The following NEXN variants were observed in gnomAD, a reference collection of about 807,000 sequenced individuals.
NEXN encodes the protein nexilin F-actin binding protein, also known as nexilin.
NEXN carries 65 observed loss-of-function variants against 92.6 expected under a neutral mutation model. The observed-to-expected ratio is 0.70, with a 90% CI of 0.57 to 0.86. The LOEUF is 0.86. Among genes scored for constraint, NEXN ranks in the 40% least tolerant of loss-of-function variants. The pLI is 0.00. For missense variants in NEXN, 778 were observed against 771.1 expected (o/e 1.01, Z -0.11); for synonymous variants, 254 against 242.5 (o/e 1.05, Z -0.44).
chr1:77,933,160 T>C (rs577786080), intron 9 of NEXN, 122 bp from the exon 10 acceptor site: 14 of 703,760 alleles, frequency 2.0e-5, no homozygotes, highest in African/African-American at 1.6e-4. Flanking sequence ...AAACTCCATC[T>C]CAAAAAACAA....
intron 1 of NEXN, among the ~76,000 whole-genome samples, chr1:77,915,042 A>G (rs1648859569): frequency 6.6e-6 from 1 of 151,984 alleles, no homozygotes; most frequent in Admixed American, 6.6e-5. Context: ...GGCCAGATGC[A>G]GTGGCTCACG....
intron 1 of NEXN, among the ~76,000 whole-genome samples, chr1:77,897,812 T>G (rs1647354148): frequency 6.6e-6 from 1 of 152,094 alleles, no homozygotes; most frequent in South Asian, 2.1e-4. Context: ...TTCAGCAAAG[T>G]CTCAGGATAC....
intron 5 of NEXN, among the ~76,000 whole-genome samples, chr1:77,922,644 C>T (rs990098206): frequency 6.6e-6 from 1 of 150,632 alleles, no homozygotes; most frequent in African/African-American, 2.4e-5. Context: ...GTTGCCCAGG[C>T]TGGAGTGCAG....
In NEXN at chr1:77,888,705, G is replaced by A; in HGVS notation, c.-107G>A. ...CCCTACCCACAGCCAGGCGGGACGC[G>A]CACAGTCCCTCCACGCGGAAAGAAG... On this transcript the variant is annotated 5_prime_UTR_variant, in exon 1 of 13. Coordinates refer to ENST00000334785, the MANE Select transcript of NEXN (RefSeq NM_144573.4). 6.4e-6 allele frequency: 1 copy of A among 155,404 alleles called. No individual in the cohort carries two copies. The highest frequency in any genetic ancestry group is 1.4e-5 in the Non-Finnish European group (1 of 69,428). The allele number at this position is 155,404 out of a possible 1,614,324, so 9.6% of individuals were successfully genotyped here.
intron 8 of NEXN, among the ~76,000 whole-genome samples, chr1:77,928,187 C>CTGTA (rs1321317722): frequency 6.6e-6 from 1 of 151,736 alleles, no homozygotes. Context: ...TGGCACAGAC[C>CTGTA]TGTAGTCCAA....
Position 77,918,189 on chromosome 1 carries a change from G to A in NEXN, c.363G>A (p.Thr121=), listed in dbSNP as rs35117963. The A allele has an allele frequency of 2.2e-3, 3,472 of 1,613,924 alleles. 75 individuals are homozygous for A. The African/African-American group carries it at 0.042, about 20-fold the overall frequency. ...GACAAGAGGAACAAAGGAAGAGAAC[G>A]GAGGAGGAACGAAAACGCAGAATTG... The part of the protein sequence containing the change: ...KQRQEEQRKR[T]EEERKRRIEQ... Residue 121 remains threonine, a synonymous_variant, in exon 5 of 13, where the codon ACG becomes ACA. Coordinates refer to ENST00000334785, the MANE Select transcript of NEXN (RefSeq NM_144573.4).
chr1:77,920,866 G>GT (rs1298819008), intron 5 of NEXN, among the ~76,000 whole-genome samples: 1 of 152,020 alleles, frequency 6.6e-6, no homozygotes, highest in East Asian at 1.9e-4. Context: ...AGCAAAAGGA[G>GT]TTTCATTTTT....
intron 5 of NEXN, among the ~76,000 whole-genome samples, chr1:77,918,544 T>G (rs1352915659): frequency 6.6e-6 from 1 of 151,914 alleles, no homozygotes; most frequent in Non-Finnish European, 1.5e-5. Context: ...CAAGTGCCTG[T>G]AGTCCCAGCT....
In NEXN at chr1:77,940,339, TG is replaced by T. The variant is rs940000153; in HGVS notation, c.1474-1683del. ...AATATTCATGGGCTGAGAGTACCAA[TG>T]CCCTATAAAGAATGTACCTACAGAA... On this transcript the variant is annotated intron_variant, in intron 11 of 12. Coordinates refer to ENST00000334785, the MANE Select transcript of NEXN (RefSeq NM_144573.4). Among the ~76,000 whole-genome samples, 25 of 152,350 alleles carry T rather than the reference TG, an allele frequency of 1.6e-4. No homozygotes were observed. In the Middle Eastern group the frequency reaches 0.01, roughly 62 times the overall value.
chr1:77,903,312 T>C (rs1647864077), intron 1 of NEXN, among the ~76,000 whole-genome samples: 1 of 152,140 alleles, frequency 6.6e-6, no homozygotes, highest in African/African-American at 2.4e-5. Flanking sequence ...CAATAATGTA[T>C]ACTTAAATTA....
At position 77,935,832 on chromosome 1, in the gene NEXN, G is replaced by T. The variant is rs1209812466; in HGVS notation, c.1261G>T (p.Glu421Ter). ...TTAATTTTTTTTGAAGGAAGAGGAA[G>T]AAAATGAAACCTTTGGATTGAGCAG... The part of the protein sequence containing the change: ...LRQEMGEEEE[E>*]NETFGLSREY... Residue 421 changes from glutamate to a stop codon, truncating the protein, a stop_gained, in exon 11 of 13, where the codon GAA becomes TAA. Transcript: ENST00000334785. LOFTEE classifies it high-confidence loss of function. 6.2e-7 allele frequency: 1 copy of T among 1,611,668 alleles called. No homozygotes were observed. Among genetic ancestry groups the T allele is most frequent in the South Asian group, 1.1e-5 (1 of 90,886 alleles).
intron 1 of NEXN, among the ~76,000 whole-genome samples, chr1:77,896,075 G>A (rs1647235733): frequency 6.6e-6 from 1 of 152,018 alleles, no homozygotes; most frequent in Non-Finnish European, 1.5e-5. Context: ...GGAGGCTGAG[G>A]CAGGAGAATT....
At chr1:77,919,711 T>G (rs912372645) in intron 5 of NEXN, among the ~76,000 whole-genome samples, 1 of 151,816 alleles carries the variant, frequency 6.6e-6, no homozygotes, top group South Asian at 2.1e-4. Context: ...GCGATTCTCC[T>G]GTCTCAACCT....
chr1:77,893,851 T>TA (rs1363475697), intron 1 of NEXN, among the ~76,000 whole-genome samples: 1 of 151,822 alleles, frequency 6.6e-6, no homozygotes, highest in East Asian at 1.9e-4. Flanking sequence ...TTTTTTTTTT[T>TA]AGACAGAATT....
chr1:77,937,346 T>C (rs888002420), intron 11 of NEXN, among the ~76,000 whole-genome samples: 4 of 151,984 alleles, frequency 2.6e-5, no homozygotes, highest in South Asian at 2.1e-4. Context: ...ATATTGTCTA[T>C]ATAGCTGGAT....
At chr1:77,933,580 T>C (rs1040641506) in intron 10 of NEXN, 101 bp downstream of exon 10, 4 of 906,380 alleles carry the variant, frequency 4.4e-6, no homozygotes, top group East Asian at 2.7e-5. Flanking sequence ...ACCTTTAGGA[T>C]AGTTGACATA....
chr1:77,900,432 C>G (rs941172926), intron 1 of NEXN, among the ~76,000 whole-genome samples: 3 of 152,148 alleles, frequency 2.0e-5, no homozygotes, highest in African/African-American at 7.2e-5. Flanking sequence ...CTATTTCTGT[C>G]ACCAAAGCTA....
chr1:77,935,691 G>A (rs1650691649), intron 10 of NEXN, 132 bp from the exon 11 acceptor site: 1 of 708,336 alleles, frequency 1.4e-6, no homozygotes, highest in East Asian at 2.7e-5. Flanking sequence ...GGTGGCATGT[G>A]CCTGTAGTCC....
At chr1:77,905,662 G>A (rs192955656) in intron 1 of NEXN, among the ~76,000 whole-genome samples, 3 of 152,298 alleles carry the variant, frequency 2.0e-5, no homozygotes, top group Admixed American at 1.3e-4. Context: ...CCTTCTGGTC[G>A]AGGAGGTTTT....
Sources: gnomAD v4.1 joint callset for allele counts (sites outside exome capture counted in the v4.1 genomes callset) on GRCh38, gnomAD v4.1.1 for gene constraint, MANE v1.5 for transcripts, NCBI Gene and HGNC (gene_info 2026-07-23, HGNC 2026-07-21) for gene names.